CHRM3: variants seen among roughly 807,000 people sequenced by gnomAD.
CHRM3 encodes cholinergic receptor muscarinic 3, also known as muscarinic acetylcholine receptor M3.
In CHRM3, 11 loss-of-function variants were observed where a neutral mutation model predicts 41.8. The ratio of observed to expected loss-of-function variants is 0.26; its 90% CI spans 0.17 to 0.44. CHRM3 has a LOEUF of 0.44. Ranked by LOEUF, CHRM3 falls within the 20% of genes least tolerant of loss-of-function variation. The pLI is 1.00. For synonymous variants in CHRM3, 297 were observed against 301.4 expected (o/e 0.99, Z 0.15); for missense variants, 571 against 745.4 (o/e 0.77, Z 2.72).
At chr1:239,849,006 A>C (rs1674494352) in intron 6 of CHRM3, among the ~76,000 whole-genome samples, 1 of 152,180 alleles carries the variant, frequency 6.6e-6, no homozygotes, top group South Asian at 2.1e-4. Context: ...TTCACCTTGC[A>C]ATCTTTGAGT....
At chr1:239,903,113 C>T (rs1163194545) in intron 6 of CHRM3, among the ~76,000 whole-genome samples, 1 of 152,144 alleles carries the variant, frequency 6.6e-6, no homozygotes, top group Non-Finnish European at 1.5e-5. Context: ...TTCCTCAATT[C>T]TGGCTTCTTT....
intron 4 of CHRM3, among the ~76,000 whole-genome samples, chr1:239,672,603 CACACACACACACACACACA>C (rs1674490371): frequency 6.6e-6 from 1 of 150,816 alleles, no homozygotes; most frequent in South Asian, 2.1e-4. Flanking sequence ...TCCCACTACA[CACACACACACACACACACA>C]CACACACAGA....
At chr1:239,791,906 A>G (rs1374718247) in intron 5 of CHRM3, among the ~76,000 whole-genome samples, 1 of 152,206 alleles carries the variant, frequency 6.6e-6, no homozygotes, top group South Asian at 2.1e-4. Flanking sequence ...TACAAGACCT[A>G]CAATAGTGGG....
intron 6 of CHRM3, among the ~76,000 whole-genome samples, chr1:239,893,657 T>C (rs1469269972): frequency 6.6e-6 from 1 of 150,912 alleles, no homozygotes; most frequent in Non-Finnish European, 1.5e-5. Flanking sequence ...TTGGCAGCTG[T>C]AGCAGTAGCA....
intron 1 of CHRM3, among the ~76,000 whole-genome samples, chr1:239,413,770 C>T (rs550735328): frequency 6.6e-6 from 1 of 152,270 alleles, no homozygotes; most frequent in East Asian, 1.9e-4. Context: ...GAAAAGTTAG[C>T]ATAGTTCTGC....
At chr1:239,476,903 A>G (rs2147975362) in intron 1 of CHRM3, among the ~76,000 whole-genome samples, 1 of 152,336 alleles carries the variant, frequency 6.6e-6, no homozygotes, top group Middle Eastern at 3.4e-3. Context: ...TCCAAAAGTC[A>G]GGAAACACAG....
At chr1:239,624,590 G>A (rs1163738100) in intron 3 of CHRM3, among the ~76,000 whole-genome samples, 1 of 151,654 alleles carries the variant, frequency 6.6e-6, no homozygotes, top group African/African-American at 2.4e-5. Flanking sequence ...TATGTCCTGA[G>A]TGGTAATGCC....
chr1:239,693,489 T>C (rs376273176), intron 5 of CHRM3, among the ~76,000 whole-genome samples: 30 of 152,280 alleles, frequency 2.0e-4, no homozygotes, highest in African/African-American at 6.7e-4. Flanking sequence ...CCTCTAGAAC[T>C]CTGAAAAATA....
At chr1:239,474,658 T>C (rs1666348380) in intron 1 of CHRM3, among the ~76,000 whole-genome samples, 1 of 152,068 alleles carries the variant, frequency 6.6e-6, no homozygotes, top group African/African-American at 2.4e-5. Context: ...GTAATGTAAT[T>C]ATTGACAAAG....
intron 1 of CHRM3, among the ~76,000 whole-genome samples, chr1:239,461,524 C>G (rs1665359992): frequency 6.6e-6 from 1 of 151,904 alleles, no homozygotes; most frequent in Non-Finnish European, 1.5e-5. Flanking sequence ...TTACGTGTAT[C>G]TTCCTTCTGT....
intron 5 of CHRM3, among the ~76,000 whole-genome samples, chr1:239,724,586 C>G (rs935773559): frequency 6.6e-6 from 1 of 151,854 alleles, no homozygotes; most frequent in African/African-American, 2.4e-5. Context: ...AGCACAGTGT[C>G]TGATACATAC....
chr1:239,623,219 C>T (rs903837318), intron 3 of CHRM3, among the ~76,000 whole-genome samples: 3 of 148,910 alleles, frequency 2.0e-5, no homozygotes, highest in South Asian at 2.1e-4. Flanking sequence ...ACCCTTAAAT[C>T]GTCATTTACA....
chr1:239,611,711 A>ATG (rs1667094185), intron 3 of CHRM3, among the ~76,000 whole-genome samples: 5 of 151,902 alleles, frequency 3.3e-5, no homozygotes, highest in African/African-American at 4.8e-5. Context: ...GAGCCACCGC[A>ATG]CCCAGCCGCA....
intron 5 of CHRM3, among the ~76,000 whole-genome samples, chr1:239,822,226 T>A (rs1672112618): frequency 1.3e-5 from 2 of 152,218 alleles, no homozygotes; most frequent in Non-Finnish European, 2.9e-5. Flanking sequence ...ACCAACACAA[T>A]TAAATAGTAA....
chr1:239,748,192 G>T lies in CHRM3; in HGVS notation c.-147+69904G>T, dbSNP rs966028731. 1.3e-5 allele frequency among the ~76,000 whole-genome samples: 2 copies of T among 152,172 alleles called. No homozygotes were observed. The highest frequency in any genetic ancestry group is 4.8e-5 in the African/African-American group (2 of 41,434). On this transcript the variant is annotated intron_variant, in intron 5 of 6. Coordinates refer to ENST00000676153, the MANE Select transcript of CHRM3 (RefSeq NM_001375978.1). This position sits in a 1 kb window ranked among gnomAD's most constrained non-coding sequence, Gnocchi z 4.3. ...TTAAACCACCACTTAAGAAGAAAGT[G>T]TATACACACCCGTTATCTGCACTAA...
chr1:239,415,708 T>G (rs937539496), intron 1 of CHRM3, among the ~76,000 whole-genome samples: 1 of 152,202 alleles, frequency 6.6e-6, no homozygotes, highest in Non-Finnish European at 1.5e-5. Flanking sequence ...GAAGGATATG[T>G]GGCTGTTTAA....
At chr1:239,536,547 T>G (rs1658213517) in intron 2 of CHRM3, among the ~76,000 whole-genome samples, 1 of 152,210 alleles carries the variant, frequency 6.6e-6, no homozygotes, top group Non-Finnish European at 1.5e-5. Context: ...ACCAAGATAT[T>G]AGTAAACCAT....
intron 5 of CHRM3, among the ~76,000 whole-genome samples, chr1:239,693,204 G>C (rs1217440423): frequency 6.6e-6 from 1 of 152,068 alleles, no homozygotes; most frequent in Non-Finnish European, 1.5e-5. Context: ...TTTTGTTCAT[G>C]AAGTTCTAGT....
At chr1:239,467,113 A>AT (rs1220392757) in intron 1 of CHRM3, among the ~76,000 whole-genome samples, 1 of 152,192 alleles carries the variant, frequency 6.6e-6, no homozygotes, top group Admixed American at 6.5e-5. Flanking sequence ...TTTTTCTTCA[A>AT]TATCGTACAC....
Sources: gnomAD v4.1 joint callset for allele counts (sites outside exome capture counted in the v4.1 genomes callset) on GRCh38, gnomAD v4.1.1 for gene constraint, Gnocchi (gnomAD v3.1) non-coding constraint, MANE v1.5 for transcripts, NCBI Gene and HGNC (gene_info 2026-07-23, HGNC 2026-07-21) for gene names.